The following ANKRD12 variants were observed in gnomAD, a reference collection of about 807,000 sequenced individuals.
ANKRD12 encodes ankyrin repeat domain-containing protein 12.
ANKRD12 carries 85 observed loss-of-function variants against 183.4 expected under a neutral mutation model. The observed-to-expected ratio is 0.46, with a 90% CI of 0.39 to 0.56. The LOEUF (loss-of-function observed/expected upper bound fraction) is 0.56, where lower values mean the gene tolerates loss of function less well. Among genes scored for constraint, ANKRD12 ranks in the 20% least tolerant of loss-of-function variants. The probability of loss-of-function intolerance (pLI) is 0.00; values close to 1 mark genes in which losing one functional copy is unlikely to be tolerated. For missense variants in ANKRD12, 2,405 were observed against 2,357.1 expected (o/e 1.02, Z -0.42); for synonymous variants, 914 against 800.2 (o/e 1.14, Z -2.40).
chr18:9,186,132 G>A (rs1411243927), intron 2 of ANKRD12, among the ~76,000 whole-genome samples: 1 of 147,282 alleles, frequency 6.8e-6, no homozygotes, highest in Non-Finnish European at 1.5e-5. Context: ...CCTCCTAAAA[G>A]TGTGATTTTT....
chr18:9,183,268 A>T (rs1218003278), intron 2 of ANKRD12, among the ~76,000 whole-genome samples: 1 of 152,212 alleles, frequency 6.6e-6, no homozygotes, highest in Non-Finnish European at 1.5e-5. Flanking sequence ...GTCAGTTTCT[A>T]CAAAAGTACC....
chr18:9,254,168 T>C, intron 8 of ANKRD12, 43 bp from the exon 9 acceptor site: 1 of 1,448,678 alleles, frequency 6.9e-7, no homozygotes, highest in Non-Finnish European at 9.1e-7. Flanking sequence ...CTGGCAGTTG[T>C]GTTTTGTTTG....
intron 10 of ANKRD12, among the ~76,000 whole-genome samples, chr18:9,264,120 A>G (rs1008886268): frequency 6.6e-6 from 1 of 152,164 alleles, no homozygotes; most frequent in Non-Finnish European, 1.5e-5. Context: ...GTCTCTAATA[A>G]CTTCTTGTTA....
intron 8 of ANKRD12, among the ~76,000 whole-genome samples, chr18:9,237,954 T>G (rs147490977): frequency 6.6e-6 from 1 of 152,184 alleles, no homozygotes; most frequent in African/African-American, 2.4e-5. Flanking sequence ...CCTTCACAAC[T>G]AAGCTTCTTA....
chr18:9,217,790 T>A (rs1356655514), intron 7 of ANKRD12, among the ~76,000 whole-genome samples: 1 of 152,222 alleles, frequency 6.6e-6, no homozygotes, highest in African/African-American at 2.4e-5. Flanking sequence ...AGACTGCAAG[T>A]ACTACCATGC....
At chr18:9,191,098 A>T (rs778469626) in intron 2 of ANKRD12, among the ~76,000 whole-genome samples, 35 of 152,342 alleles carry the variant, frequency 2.3e-4, no homozygotes, top group Middle Eastern at 3.4e-3. Context: ...TTAATAGAAG[A>T]TCATTCTTAC....
In ANKRD12 at chr18:9,255,271, A is replaced by G; in HGVS notation, c.2004A>G (p.Glu668=). Residue 668 remains glutamate (E), a synonymous_variant, in exon 9 of 13, where the codon GAA becomes GAG. Transcript: ENST00000262126. ...KEREKEKHKK[E]IEGEKEKYKT... ...GGGAAAAAGAAAAGCATAAAAAAGA[A>G]ATTGAAGGTGAAAAGGAAAAATACA... 1.3e-6 allele frequency: 2 copies of G among 1,573,576 alleles called. No homozygotes were observed. Among genetic ancestry groups the G allele is most frequent in the Non-Finnish European group, 1.7e-6 (2 of 1,168,318 alleles).
At chr18:9,172,885 TTTTTTTG>T (rs1191683100) in intron 1 of ANKRD12, among the ~76,000 whole-genome samples, 1 of 151,968 alleles carries the variant, frequency 6.6e-6, no homozygotes, top group Non-Finnish European at 1.5e-5. Flanking sequence ...GCTGATCTTT[TTTTTTTG>T]TTTTTTGTTT....
At chr18:9,240,602 C>T (rs1033389560) in intron 8 of ANKRD12, among the ~76,000 whole-genome samples, 1 of 152,176 alleles carries the variant, frequency 6.6e-6, no homozygotes, top group Admixed American at 6.5e-5. Context: ...GTCTAATGAG[C>T]AAAGTTTAAA....
chr18:9,223,065 C>T (rs1382106602), intron 8 of ANKRD12, among the ~76,000 whole-genome samples: 1 of 152,102 alleles, frequency 6.6e-6, no homozygotes, highest in Non-Finnish European at 1.5e-5. Flanking sequence ...ATTTAATTAT[C>T]TGAAATTTAA....
intron 1 of ANKRD12, among the ~76,000 whole-genome samples, chr18:9,154,341 A>T (rs2030053601): frequency 2.0e-5 from 3 of 152,104 alleles, no homozygotes; most frequent in Admixed American, 6.5e-5. Context: ...AGGATTGATC[A>T]CTTGAGACTG....
Position 9,258,859 on chromosome 18 carries a change from T to C in ANKRD12, c.5592T>C (p.Tyr1864=). The change falls in exon 9 of 13, where the codon TAT becomes TAC. Residue 1864 remains tyrosine (Y), a synonymous_variant. Coordinates refer to ENST00000262126, the MANE Select transcript of ANKRD12 (RefSeq NM_015208.5). ...TGATTCCTCAAGCACCTCAGTACTA[T>C]GACGAATATGTAACATTTAACGGAT... ...CSVIPQAPQY[Y]DEYVTFNGSY... is the part of the protein sequence containing the mutation. 6.2e-7 allele frequency: 1 copy of C among 1,613,590 alleles called. No individual in the cohort carries two copies. Among genetic ancestry groups the C allele is most frequent in the Non-Finnish European group, 8.5e-7 (1 of 1,179,776 alleles).
rs955611639 is a variant in ANKRD12 at position 9,281,521 on chromosome 18, A to G, written c.*395A>G. ...ATATATCAATAAACTAAAAGGTTCA[A>G]TTCCTACCAAATAGTTTCTAATGTG... On this transcript the variant is annotated 3_prime_UTR_variant, in exon 13 of 13. Transcript: ENST00000262126. 2.0e-5 allele frequency: 3 copies of G among 153,474 alleles called. No homozygotes were observed. The highest frequency in any genetic ancestry group is 7.2e-5 in the African/African-American group (3 of 41,490). The allele number at this position is 153,474 out of a possible 1,614,324, so 9.5% of individuals were successfully genotyped here. A position where few individuals can be genotyped will look rare whatever the true frequency, so the allele number is the denominator to read the frequency against.
At chr18:9,154,768 C>G (rs1460994777) in intron 1 of ANKRD12, among the ~76,000 whole-genome samples, 2 of 152,132 alleles carry the variant, frequency 1.3e-5, no homozygotes, top group East Asian at 3.8e-4. Context: ...GAGATGGAAT[C>G]AGCATTTCTG....
chr18:9,223,771 CTT>C (rs574060257), intron 8 of ANKRD12, among the ~76,000 whole-genome samples: 1 of 151,958 alleles, frequency 6.6e-6, no homozygotes, highest in South Asian at 2.1e-4. Context: ...TAGTTGGAAA[CTT>C]TAAGTTTTTT....
intron 1 of ANKRD12, among the ~76,000 whole-genome samples, chr18:9,164,295 T>C (rs1035809902): frequency 6.6e-6 from 1 of 152,200 alleles, no homozygotes; most frequent in African/African-American, 2.4e-5. Flanking sequence ...TGTCTGTCTT[T>C]AGTTCTGTGT....
chr18:9,272,717 A>G (rs1486858354), intron 10 of ANKRD12, among the ~76,000 whole-genome samples: 1 of 152,178 alleles, frequency 6.6e-6, no homozygotes, highest in Admixed American at 6.5e-5. Flanking sequence ...TTGGATATGT[A>G]TTACTTCAAG....
At chr18:9,172,042 G>GAAA (rs1200476539) in intron 1 of ANKRD12, among the ~76,000 whole-genome samples, 2 of 127,412 alleles carry the variant, frequency 1.6e-5, no homozygotes, top group Non-Finnish European at 3.4e-5. Flanking sequence ...AAAAAAAAAC[G>GAAA]AATGTTGAAT....
chr18:9,166,353 C>G (rs527972016), intron 1 of ANKRD12, among the ~76,000 whole-genome samples: 1 of 152,316 alleles, frequency 6.6e-6, no homozygotes, highest in Non-Finnish European at 1.5e-5. Flanking sequence ...TAAAAGTGTT[C>G]CTGTTTCTCC....
Sources: allele counts gnomAD v4.1 joint callset (sites outside exome capture counted in the v4.1 genomes callset), GRCh38; gene constraint gnomAD v4.1.1; transcripts MANE v1.5; gene names NCBI Gene and HGNC (gene_info 2026-07-23, HGNC 2026-07-21).